The following MGMT variants were observed in gnomAD, a reference collection of about 807,000 sequenced individuals.
The protein encoded by MGMT is O-6-methylguanine-DNA methyltransferase, also known as methylated-DNA--protein-cysteine methyltransferase.
In MGMT, 14 loss-of-function variants were observed where a neutral mutation model predicts 15.9. The ratio of observed to expected loss-of-function variants is 0.88; its 90% CI spans 0.58 to 1.37. The LOEUF (loss-of-function observed/expected upper bound fraction) is 1.37. Ranked by LOEUF, MGMT falls within the 40% of genes most tolerant of loss-of-function variation. MGMT has a pLI of 0.00. For synonymous variants in MGMT, 130 were observed against 118.2 expected (o/e 1.10, Z -0.65); for missense variants, 282 against 268.1 (o/e 1.05, Z -0.36).
At chr10:129,514,641 A>G (rs1845718564) in intron 1 of MGMT, among the ~76,000 whole-genome samples, 1 of 147,264 alleles carries the variant, frequency 6.8e-6, no homozygotes, top group South Asian at 2.1e-4. Context: ...TGGTATTAAG[A>G]GTTGGGGCCT....
At chr10:129,564,050 C>G (rs1846311977) in intron 2 of MGMT, 1 of 152,618 alleles carries the variant, frequency 6.6e-6, no homozygotes, top group Non-Finnish European at 1.5e-5. Flanking sequence ...GGGACAAAGG[C>G]TGGATGTGGG....
intron 2 of MGMT, among the ~76,000 whole-genome samples, chr10:129,560,987 G>GCA (rs1184165129): frequency 7.3e-6 from 1 of 137,134 alleles, no homozygotes; most frequent in East Asian, 2.3e-4. Flanking sequence ...GTGTGTGTGT[G>GCA]TGTGTGTGTG....
chr10:129,720,944 A>G (rs116938367), intron 3 of MGMT, among the ~76,000 whole-genome samples: 7,811 of 91,386 alleles, frequency 0.085, 309 homozygotes, highest in Middle Eastern at 0.23. Flanking sequence ...GTCAGGGGGA[A>G]AAAAAAAAAA....
At chr10:129,764,264 C>T (rs1448138987) in intron 4 of MGMT, among the ~76,000 whole-genome samples, 2 of 151,098 alleles carry the variant, frequency 1.3e-5, no homozygotes, top group East Asian at 1.9e-4. Flanking sequence ...TAGATGGGGT[C>T]GAAGATGCAG....
At chr10:129,540,990 C>T (rs546479247) in intron 2 of MGMT, among the ~76,000 whole-genome samples, 29 of 152,324 alleles carry the variant, frequency 1.9e-4, no homozygotes, top group South Asian at 4.1e-4. Context: ...GGCCCCTGCC[C>T]TCACCCTTCT....
At chr10:129,479,386 A>AT (rs5788992) in intron 1 of MGMT, among the ~76,000 whole-genome samples, 28,246 of 151,130 alleles carry the variant, frequency 0.19, 4,381 homozygotes, top group African/African-American at 0.42. Context: ...AGATTGGTTG[A>AT]TTTTTTTTTG....
At chr10:129,514,559 A>G (rs61862575) in intron 1 of MGMT, among the ~76,000 whole-genome samples, 23,554 of 152,132 alleles carry the variant, frequency 0.15, 2,550 homozygotes, top group African/African-American at 0.3. Flanking sequence ...GCTTTTTTGC[A>G]TACAGTGAGT....
intron 1 of MGMT, among the ~76,000 whole-genome samples, chr10:129,495,524 C>G (rs2119665123): frequency 6.6e-6 from 1 of 152,296 alleles, no homozygotes; most frequent in South Asian, 2.1e-4. Flanking sequence ...TGACTCATCA[C>G]TGATGATCGA....
At chr10:129,574,387 C>G (rs1217343105) in intron 2 of MGMT, among the ~76,000 whole-genome samples, 1 of 152,188 alleles carries the variant, frequency 6.6e-6, no homozygotes, top group African/African-American at 2.4e-5. Context: ...CAGTTCATAC[C>G]AAGCTCACAT....
chr10:129,546,854 C>G (rs1055418775), intron 2 of MGMT, among the ~76,000 whole-genome samples: 4 of 152,208 alleles, frequency 2.6e-5, no homozygotes, highest in African/African-American at 9.6e-5. Flanking sequence ...CAGCTAAATG[C>G]TGTTTGCTCA....
In MGMT at chr10:129,617,684, TG is replaced by T. The variant is rs528615810; in HGVS notation, c.125+81308del. On this transcript the variant is annotated intron_variant, in intron 2 of 4. Transcript: ENST00000651593. ...TTTGCATTTCTCTAATGATTAGTGA[TG>T]TTGAGCATTTTTTTCATATGCTTGT... Among the ~76,000 whole-genome samples, 16 of 152,368 alleles carry T rather than the reference TG, an allele frequency of 1.1e-4. No homozygotes were observed. In the South Asian group the frequency reaches 3.3e-3, roughly 32 times the overall value.
intron 2 of MGMT, among the ~76,000 whole-genome samples, chr10:129,671,759 A>G (rs942048550): frequency 1.2e-4 from 19 of 152,312 alleles, no homozygotes; most frequent in African/African-American, 4.6e-4. Flanking sequence ...GAAATCGCTC[A>G]CGTCATTGCC....
chr10:129,709,842 A>G (rs2133144323), intron 3 of MGMT, among the ~76,000 whole-genome samples: 1 of 152,280 alleles, frequency 6.6e-6, no homozygotes, highest in East Asian at 1.9e-4. Context: ...CAGGCAGGCC[A>G]GGAAGAACCG....
intron 2 of MGMT, among the ~76,000 whole-genome samples, chr10:129,704,895 C>G (rs1445867828): frequency 6.6e-6 from 1 of 152,148 alleles, no homozygotes; most frequent in East Asian, 1.9e-4. Flanking sequence ...CGAGGTCTTC[C>G]GTCGCCGCCC....
At chr10:129,740,333 G>A (rs1350206465) in intron 3 of MGMT, among the ~76,000 whole-genome samples, 1 of 152,134 alleles carries the variant, frequency 6.6e-6, no homozygotes, top group African/African-American at 2.4e-5. Flanking sequence ...CCTGAGAGAG[G>A]CCATCTGGGG....
At chr10:129,531,132 C>T (rs1845926680) in intron 1 of MGMT, among the ~76,000 whole-genome samples, 1 of 152,116 alleles carries the variant, frequency 6.6e-6, no homozygotes, top group Non-Finnish European at 1.5e-5. Flanking sequence ...GTCTGGCCTC[C>T]CCCGTTGAAT....
intron 2 of MGMT, among the ~76,000 whole-genome samples, chr10:129,606,017 C>T (rs1846885471): frequency 6.6e-6 from 1 of 152,156 alleles, no homozygotes; most frequent in Non-Finnish European, 1.5e-5. Context: ...TGCGCAGTGC[C>T]TCTGTGCTAA....
chr10:129,752,479 ATTAT>A (rs1482091199), intron 3 of MGMT, among the ~76,000 whole-genome samples: 1 of 151,966 alleles, frequency 6.6e-6, no homozygotes, highest in East Asian at 1.9e-4. Flanking sequence ...ATTTAATGTA[ATTAT>A]TAATGTTTCA....
At chr10:129,484,262 G>A (rs1241884916) in intron 1 of MGMT, among the ~76,000 whole-genome samples, 2 of 152,146 alleles carry the variant, frequency 1.3e-5, no homozygotes, top group Non-Finnish European at 2.9e-5. Flanking sequence ...CGCATGTGCT[G>A]CTTCATACTG....
Sources: allele counts gnomAD v4.1 joint callset (sites outside exome capture counted in the v4.1 genomes callset), GRCh38; gene constraint gnomAD v4.1.1; transcripts MANE v1.5; gene names NCBI Gene and HGNC (gene_info 2026-07-23, HGNC 2026-07-21).